The following ARK2N variants were observed in gnomAD, a reference collection of about 807,000 sequenced individuals.
ARK2N encodes arkadia (RNF111) N-terminal like PKA signaling regulator 2N.
the ARK2N span, among the ~76,000 whole-genome samples, chr18:46,259,772 C>CTGTGTGTGTGTGTGTG: frequency 1.6e-4 from 17 of 104,856 alleles, no homozygotes; most frequent in African/African-American, 4.2e-4. Context: ...CACCCAGCTA[C>CTGTGTGTGTGTGTGTG]TGTGTGTGTG....
the ARK2N span, chr18:46,215,928 C>A: frequency 6.2e-7 from 1 of 1,613,944 alleles, no homozygotes; most frequent in Admixed American, 1.7e-5. Context: ...TCATTGAGTC[C>A]GAAGCCCCAC....
At chr18:46,245,784 T>C in the ARK2N span, among the ~76,000 whole-genome samples, 1 of 152,174 alleles carries the variant, frequency 6.6e-6, no homozygotes, top group Non-Finnish European at 1.5e-5. Flanking sequence ...GCTGGATTAT[T>C]TCCTTTAAAG....
chr18:46,226,689 A>G, the ARK2N span, among the ~76,000 whole-genome samples: 2 of 152,336 alleles, frequency 1.3e-5, no homozygotes, highest in South Asian at 2.1e-4. Context: ...TTTATCTTTT[A>G]AAGATTTCTA....
At chr18:46,242,319 A>G in the ARK2N span, among the ~76,000 whole-genome samples, 1 of 152,184 alleles carries the variant, frequency 6.6e-6, no homozygotes, top group East Asian at 1.9e-4. Flanking sequence ...ACCGTATGGA[A>G]TTGTTAATAT....
At chr18:46,259,894 TGTGTGC>T in the ARK2N span, among the ~76,000 whole-genome samples, 52 of 79,534 alleles carry the variant, frequency 6.5e-4, 3 homozygotes, top group South Asian at 8.6e-4. Context: ...TCTGTGTGTG[TGTGTGC>T]GACAGAGATG....
At chr18:46,174,945 C>T in the ARK2N span, among the ~76,000 whole-genome samples, 1 of 152,226 alleles carries the variant, frequency 6.6e-6, no homozygotes, top group Admixed American at 6.5e-5. Flanking sequence ...TACCTTCGGT[C>T]GGCAGGCGCC....
the ARK2N span, among the ~76,000 whole-genome samples, chr18:46,223,501 C>T: frequency 6.6e-6 from 1 of 152,116 alleles, no homozygotes; most frequent in African/African-American, 2.4e-5. Flanking sequence ...TCTTTTTTAT[C>T]TAGGAGAAAC....
chr18:46,261,812 T>G, the ARK2N span, among the ~76,000 whole-genome samples: 1 of 152,178 alleles, frequency 6.6e-6, no homozygotes, highest in African/African-American at 2.4e-5. Flanking sequence ...AGATTAAGCC[T>G]TTGTAGGAGT....
chr18:46,223,935 A>C, the ARK2N span, among the ~76,000 whole-genome samples: 1 of 152,240 alleles, frequency 6.6e-6, no homozygotes. Context: ...TGATCTGAGG[A>C]AGTAACATTT....
the ARK2N span, chr18:46,216,073 G>A: frequency 6.2e-7 from 1 of 1,613,962 alleles, no homozygotes; most frequent in African/African-American, 1.3e-5. This position sits in a 1 kb window ranked among gnomAD's most constrained non-coding sequence, Gnocchi z 4.3. Context: ...ACTGAGAAGG[G>A]ACTCTTCTGA....
chr18:46,177,443 T>TC, the ARK2N span, among the ~76,000 whole-genome samples: 1 of 147,840 alleles, frequency 6.8e-6, no homozygotes, highest in Non-Finnish European at 1.5e-5. Flanking sequence ...TTTTTTTTTT[T>TC]TTTTTTTTGA....
chr18:46,217,219 G>A, the ARK2N span: 2 of 152,908 alleles, frequency 1.3e-5, no homozygotes, highest in African/African-American at 2.4e-5. Flanking sequence ...TTAGAAATCC[G>A]CTTGTTCTAG....
At chr18:46,185,793 C>T in the ARK2N span, among the ~76,000 whole-genome samples, 1 of 151,574 alleles carries the variant, frequency 6.6e-6, no homozygotes, top group Non-Finnish European at 1.5e-5. Context: ...TTGAGACCAG[C>T]CTGGCCAACA....
chr18:46,253,709 C>T, the ARK2N span: 1 of 1,610,022 alleles, frequency 6.2e-7, no homozygotes, highest in Non-Finnish European at 8.5e-7. Flanking sequence ...CATTTGGATC[C>T]AGGATTCCTA....
the ARK2N span, among the ~76,000 whole-genome samples, chr18:46,235,820 A>G: frequency 6.6e-6 from 1 of 152,238 alleles, no homozygotes; most frequent in African/African-American, 2.4e-5. Flanking sequence ...GGAATTTGTC[A>G]TGGGATAAAC....
the ARK2N span, among the ~76,000 whole-genome samples, chr18:46,187,724 A>G: frequency 2.6e-5 from 4 of 152,164 alleles, no homozygotes; most frequent in Non-Finnish European, 5.9e-5. Context: ...CAGTTTATTT[A>G]GTTTCATTCA....
At chr18:46,249,583 C>G in the ARK2N span, among the ~76,000 whole-genome samples, 1 of 152,184 alleles carries the variant, frequency 6.6e-6, no homozygotes, top group African/African-American at 2.4e-5. Flanking sequence ...CTGCCCACAC[C>G]TACTCTCTGC....
At chr18:46,230,650 T>A in the ARK2N span, among the ~76,000 whole-genome samples, 1 of 152,230 alleles carries the variant, frequency 6.6e-6, no homozygotes, top group Non-Finnish European at 1.5e-5. Context: ...GTCTAATCTA[T>A]CAGATAATTT....
chr18:46,225,980 T>C, the ARK2N span, among the ~76,000 whole-genome samples: 2 of 152,142 alleles, frequency 1.3e-5, no homozygotes, highest in African/African-American at 4.8e-5. Flanking sequence ...TGAACCCAAA[T>C]AGGTAGATGG....
Sources: gnomAD v4.1 joint callset for allele counts (sites outside exome capture counted in the v4.1 genomes callset) on GRCh38, gnomAD v4.1.1 for gene constraint, Gnocchi (gnomAD v3.1) non-coding constraint, MANE v1.5 for transcripts, NCBI Gene and HGNC (gene_info 2026-07-23, HGNC 2026-07-21) for gene names.